KAZN: variants seen among roughly 807,000 people sequenced by gnomAD.
The protein encoded by KAZN is kazrin.
In KAZN, 40 loss-of-function variants were observed where a neutral mutation model predicts 87.4. The observed-to-expected ratio is 0.46, with a 90% CI of 0.36 to 0.60. KAZN has a LOEUF of 0.60. Ranked by LOEUF, KAZN falls within the 20% of genes least tolerant of loss-of-function variation. KAZN has a pLI of 0.00. For missense variants in KAZN, 898 were observed against 1,073.9 expected, an observed-to-expected ratio of 0.84 and a Z score of 2.29; for synonymous variants, 466 against 458.3, an observed-to-expected ratio of 1.02 and a Z score of -0.22.
At chr1:14,316,858 TG>T (rs1655688036) in intron 2 of KAZN, among the ~76,000 whole-genome samples, 1 of 151,982 alleles carries the variant, frequency 6.6e-6, no homozygotes, top group African/African-American at 2.4e-5. Flanking sequence ...TTTCTATCAT[TG>T]GTTTCTAATT....
intron 2 of KAZN, among the ~76,000 whole-genome samples, chr1:14,459,637 G>A (rs955088535): frequency 6.6e-6 from 1 of 152,166 alleles, no homozygotes; most frequent in African/African-American, 2.4e-5. Context: ...CAGGACGGGT[G>A]AGTAGCAACT....
At chr1:14,288,970 G>A (rs994173800) in intron 2 of KAZN, among the ~76,000 whole-genome samples, 2 of 152,200 alleles carry the variant, frequency 1.3e-5, no homozygotes, top group African/African-American at 4.8e-5. Context: ...AGGTTGTTCA[G>A]TTTCCATGTA....
At chr1:14,413,161 T>C (rs1309628056) in intron 2 of KAZN, among the ~76,000 whole-genome samples, 1 of 151,444 alleles carries the variant, frequency 6.6e-6, no homozygotes, top group Non-Finnish European at 1.5e-5. Flanking sequence ...AGATTAGATA[T>C]CTATTAGATA....
At chr1:14,341,268 A>G (rs1292471096) in intron 2 of KAZN, among the ~76,000 whole-genome samples, 1 of 152,134 alleles carries the variant, frequency 6.6e-6, no homozygotes, top group East Asian at 1.9e-4. Flanking sequence ...CATCTGTAAA[A>G]TGGGGAAATG....
At chr1:13,980,063 C>T (rs1483596170) in intron 1 of KAZN, among the ~76,000 whole-genome samples, 1 of 151,932 alleles carries the variant, frequency 6.6e-6, no homozygotes, top group Non-Finnish European at 1.5e-5. Flanking sequence ...CAAGAAGTGT[C>T]AATGTCCTAA....
intron 1 of KAZN, among the ~76,000 whole-genome samples, chr1:14,619,979 T>C (rs1258271708): frequency 6.6e-6 from 1 of 152,234 alleles, no homozygotes; most frequent in African/African-American, 2.4e-5. Context: ...ATGTTGTGAA[T>C]AGTGGCATTG....
At chr1:13,949,125 C>T (rs534694946) in intron 1 of KAZN, among the ~76,000 whole-genome samples, 5 of 152,324 alleles carry the variant, frequency 3.3e-5, no homozygotes, top group African/African-American at 9.6e-5. Flanking sequence ...GTAAGAACAT[C>T]ATTTCCCCTC....
chr1:14,529,075 G>T (rs915625163), intron 2 of KAZN, among the ~76,000 whole-genome samples: 4 of 152,058 alleles, frequency 2.6e-5, no homozygotes, highest in Non-Finnish European at 5.9e-5. Flanking sequence ...AGGCCGAGGC[G>T]GGCAGATTAC....
At chr1:13,956,289 A>C (rs1317435690) in intron 1 of KAZN, among the ~76,000 whole-genome samples, 1 of 145,876 alleles carries the variant, frequency 6.9e-6, no homozygotes, top group East Asian at 2.1e-4. Context: ...ATGTTACTAC[A>C]TCATTTCTTT....
At chr1:14,845,912 G>C (rs1237433809) in intron 1 of KAZN, among the ~76,000 whole-genome samples, 1 of 152,110 alleles carries the variant, frequency 6.6e-6, no homozygotes, top group African/African-American at 2.4e-5. Context: ...CCTAGACTGC[G>C]TGCAACCTAA....
chr1:14,401,315 T>C (rs535314887), intron 2 of KAZN, among the ~76,000 whole-genome samples: 1 of 151,820 alleles, frequency 6.6e-6, no homozygotes, highest in South Asian at 2.1e-4. Flanking sequence ...ATATATATAA[T>C]GTAGAAGAAG....
chr1:14,304,427 T>C (rs146180676), intron 2 of KAZN, among the ~76,000 whole-genome samples: 1 of 152,360 alleles, frequency 6.6e-6, no homozygotes, highest in East Asian at 1.9e-4. Flanking sequence ...TCTGCATCTC[T>C]GTGTGCTGTT....
At chr1:14,824,451 G>A (rs555071246) in intron 1 of KAZN, among the ~76,000 whole-genome samples, 79 of 152,206 alleles carry the variant, frequency 5.2e-4, no homozygotes, top group Non-Finnish European at 1.1e-3. Flanking sequence ...TGAAGTTAAA[G>A]GAATGGAGAA....
chr1:14,692,874 A>G (rs1265907475), intron 1 of KAZN, among the ~76,000 whole-genome samples: 2 of 152,228 alleles, frequency 1.3e-5, no homozygotes, highest in African/African-American at 4.8e-5. Context: ...TGGAGGTTGC[A>G]GTAAGCTGAG....
rs1257196871 is a variant in KAZN, at chr1:15,099,019, A to G, written c.1548-2524A>G. Among the ~76,000 whole-genome samples the G allele has an allele frequency of 6.6e-6, 1 of 152,172 alleles. No homozygotes were observed. Among genetic ancestry groups the G allele is most frequent in the Non-Finnish European group, 1.5e-5 (1 of 68,016 alleles). ...AGATGGGGACTTCCAGGGGCTTTGGACACAGAGAAGGGCTCCTGACCCAGC... is the reference window on the plus strand; with the variant it reads ...AGATGGGGACTTCCAGGGGCTTTGGGCACAGAGAAGGGCTCCTGACCCAGC... On this transcript the variant is annotated intron_variant, in intron 10 of 14. Coordinates refer to ENST00000376030, the MANE Select transcript of KAZN (RefSeq NM_201628.3). The surrounding 1 kb of genome is among the most constrained non-coding windows in gnomAD (Gnocchi z 5.4).
chr1:14,308,971 C>T (rs973499168), intron 2 of KAZN, among the ~76,000 whole-genome samples: 1 of 152,168 alleles, frequency 6.6e-6, no homozygotes, highest in South Asian at 2.1e-4. Flanking sequence ...ATGTGTTTAA[C>T]AAGAATTAAT....
chr1:14,528,230 C>T (rs1672006602), intron 2 of KAZN, among the ~76,000 whole-genome samples: 1 of 143,562 alleles, frequency 7.0e-6, no homozygotes, highest in Admixed American at 7.3e-5. Flanking sequence ...CCCAGCTACT[C>T]AAGAGGCTGA....
intron 2 of KAZN, among the ~76,000 whole-genome samples, chr1:14,530,531 G>A (rs79563515): frequency 0.019 from 2,936 of 152,228 alleles, 36 homozygotes; most frequent in Non-Finnish European, 0.029. Flanking sequence ...AATTCCTCAT[G>A]AATGCCTTGG....
chr1:14,079,108 C>G (rs1409539814), intron 1 of KAZN, among the ~76,000 whole-genome samples: 2 of 152,146 alleles, frequency 1.3e-5, no homozygotes, highest in African/African-American at 4.8e-5. Flanking sequence ...GCGGGCTGTA[C>G]AAGCATGGCA....
Sources: gnomAD v4.1 joint callset for allele counts (sites outside exome capture counted in the v4.1 genomes callset) on GRCh38, gnomAD v4.1.1 for gene constraint, Gnocchi (gnomAD v3.1) non-coding constraint, MANE v1.5 for transcripts, NCBI Gene and HGNC (gene_info 2026-07-23, HGNC 2026-07-21) for gene names.